CDH18: variants seen among roughly 807,000 people sequenced by gnomAD.
CDH18 encodes cadherin-18.
Under a neutral mutation model 67.9 loss-of-function variants are expected in CDH18, and 31 were observed. The ratio of observed to expected loss-of-function variants is 0.46; its 90% CI spans 0.34 to 0.62. CDH18 has a LOEUF of 0.62. Among genes scored for constraint, CDH18 ranks in the 20% least tolerant of loss-of-function variants. The pLI is 0.01. For missense variants in CDH18, 890 were observed against 975.5 expected (o/e 0.91, Z 1.17); for synonymous variants, 362 against 347.2 (o/e 1.04, Z -0.48).
At chr5:19,532,667 A>T (rs955121746) in intron 9 of CDH18, among the ~76,000 whole-genome samples, 2 of 152,198 alleles carry the variant, frequency 1.3e-5, no homozygotes, top group Non-Finnish European at 2.9e-5. Context: ...GCCCAAAGGA[A>T]GCTAAGGTTA....
At chr5:19,675,128 G>T (rs1272328983) in intron 5 of CDH18, among the ~76,000 whole-genome samples, 2 of 152,044 alleles carry the variant, frequency 1.3e-5, no homozygotes, top group Non-Finnish European at 2.9e-5. Flanking sequence ...TTTCAAAAGG[G>T]GAGGGAGTGT....
At chr5:20,189,637 C>A (rs1158106053) in intron 2 of CDH18, among the ~76,000 whole-genome samples, 1 of 152,076 alleles carries the variant, frequency 6.6e-6, no homozygotes, top group African/African-American at 2.4e-5. Context: ...GAACCAAGGT[C>A]AAAAAGCTAG....
chr5:19,951,704 A>T (rs1795808558), intron 2 of CDH18, among the ~76,000 whole-genome samples: 1 of 152,136 alleles, frequency 6.6e-6, no homozygotes, highest in African/African-American at 2.4e-5. Flanking sequence ...GCTTTACCTA[A>T]GAGTACACAT....
At chr5:19,535,011 C>G (rs1466000109) in intron 9 of CDH18, among the ~76,000 whole-genome samples, 1 of 152,132 alleles carries the variant, frequency 6.6e-6, no homozygotes, top group Non-Finnish European at 1.5e-5. Flanking sequence ...GGAAGCATCT[C>G]CCTGGGGCCC....
chr5:20,401,884 A>C (rs1380153131), intron 1 of CDH18, among the ~76,000 whole-genome samples: 1 of 152,190 alleles, frequency 6.6e-6, no homozygotes, highest in Non-Finnish European at 1.5e-5. Flanking sequence ...ATTATGTCAT[A>C]TTAATCCCTT....
intron 2 of CDH18, among the ~76,000 whole-genome samples, chr5:20,126,944 A>G (rs150262778): frequency 0.021 from 3,178 of 152,296 alleles, 46 homozygotes; most frequent in Middle Eastern, 0.044. Context: ...TAGTAATTTC[A>G]CTTCTAGGTA....
chr5:20,121,959 C>T (rs570294562), intron 2 of CDH18, among the ~76,000 whole-genome samples: 54 of 152,258 alleles, frequency 3.5e-4, no homozygotes, highest in African/African-American at 1.2e-3. Context: ...TAAATGCACA[C>T]GGAATGTGGG....
intron 3 of CDH18, among the ~76,000 whole-genome samples, chr5:19,795,147 G>T (rs1259417663): frequency 1.3e-5 from 2 of 152,046 alleles, no homozygotes; most frequent in Non-Finnish European, 2.9e-5. Context: ...AAGGGATATT[G>T]CTTGGGAGCC....
chr5:20,544,896 A>G (rs1307957764), intron 1 of CDH18, among the ~76,000 whole-genome samples: 1 of 152,184 alleles, frequency 6.6e-6, no homozygotes, highest in Non-Finnish European at 1.5e-5. Flanking sequence ...CCAAAGTTTC[A>G]TCTGAGTCAA....
At position 20,295,935 on chromosome 5, in the gene CDH18, A is replaced by G. The variant is rs573702509; in HGVS notation, c.-579-40430T>C. ...CATCCAGGCTGGAGTGCAGTGGCGCAATCTCGGCTCACTGCAACCTCTGTC... is the reference window on the plus strand; with the variant it reads ...CATCCAGGCTGGAGTGCAGTGGCGCGATCTCGGCTCACTGCAACCTCTGTC... On this transcript the variant is annotated intron_variant, in intron 1 of 14. Transcript: ENST00000507958. 2.3e-5 allele frequency among the ~76,000 whole-genome samples: 3 copies of G among 132,388 alleles called. No individual in the cohort carries two copies. In the South Asian group the frequency reaches 7.5e-4, roughly 33 times the overall value. 86.9% of individuals were successfully genotyped at this position (132,388 alleles called of 152,430 possible).
At chr5:20,139,930 A>C (rs560398702) in intron 2 of CDH18, among the ~76,000 whole-genome samples, 2 of 152,190 alleles carry the variant, frequency 1.3e-5, no homozygotes, top group Non-Finnish European at 2.9e-5. Flanking sequence ...AGGATCTAGA[A>C]CTAGAAATAC....
intron 2 of CDH18, among the ~76,000 whole-genome samples, chr5:20,212,320 G>T (rs891504593): frequency 2.0e-5 from 3 of 152,140 alleles, no homozygotes; most frequent in Non-Finnish European, 2.9e-5. Flanking sequence ...ACCTGAAAGT[G>T]ATGGGGAGAA....
At chr5:19,999,544 G>A (rs1736278105) in intron 2 of CDH18, among the ~76,000 whole-genome samples, 1 of 152,196 alleles carries the variant, frequency 6.6e-6, no homozygotes, top group Non-Finnish European at 1.5e-5. Flanking sequence ...GGAGGTTGCA[G>A]TGAGTTGAGA....
chr5:20,294,321 G>A (rs768625963), intron 1 of CDH18, among the ~76,000 whole-genome samples: 4 of 152,152 alleles, frequency 2.6e-5, no homozygotes, highest in East Asian at 1.9e-4. Context: ...AGCCTCAAAT[G>A]TGAATTAATG....
intron 1 of CDH18, among the ~76,000 whole-genome samples, chr5:20,323,183 A>G (rs1284154618): frequency 1.3e-5 from 2 of 152,170 alleles, no homozygotes; most frequent in Non-Finnish European, 2.9e-5. Flanking sequence ...AATCATCACA[A>G]TGAAATGTCT....
At chr5:20,447,224 A>G (rs1750069539) in intron 1 of CDH18, among the ~76,000 whole-genome samples, 1 of 151,908 alleles carries the variant, frequency 6.6e-6, no homozygotes. Context: ...TTCTTCAGTC[A>G]ATAAAGTTAT....
intron 1 of CDH18, among the ~76,000 whole-genome samples, chr5:20,528,746 G>A (rs1005160250): frequency 1.3e-5 from 2 of 152,000 alleles, no homozygotes; most frequent in African/African-American, 4.8e-5. Context: ...CTAAAGCAGT[G>A]TTAAAAGAGA....
intron 1 of CDH18, among the ~76,000 whole-genome samples, chr5:20,426,273 G>T (rs180887352): frequency 4.0e-5 from 6 of 150,970 alleles, no homozygotes; most frequent in African/African-American, 1.5e-4. Flanking sequence ...ACTGTATTTG[G>T]TGATATGCAA....
intron 1 of CDH18, among the ~76,000 whole-genome samples, chr5:20,336,259 G>A (rs371872802): frequency 5.9e-5 from 9 of 152,062 alleles, no homozygotes; most frequent in African/African-American, 2.2e-4. Flanking sequence ...ACAGCAGTTA[G>A]GATCACCACT....
Sources: allele counts gnomAD v4.1 joint callset (sites outside exome capture counted in the v4.1 genomes callset), GRCh38; gene constraint gnomAD v4.1.1; transcripts MANE v1.5; gene names NCBI Gene and HGNC (gene_info 2026-07-23, HGNC 2026-07-21).